AHNAK2: variants seen among roughly 807,000 people sequenced by gnomAD.
The protein encoded by AHNAK2 is protein AHNAK2.
Under a neutral mutation model 30.7 loss-of-function variants are expected in AHNAK2, and 18 were observed. The ratio of observed to expected loss-of-function variants is 0.59; its 90% confidence interval spans 0.41 to 0.87. The LOEUF is 0.87. Among genes scored for constraint, AHNAK2 ranks in the 40% least tolerant of loss-of-function variants. The pLI is 0.00. For synonymous variants in AHNAK2, 3,590 were observed against 3,073.8 expected (o/e 1.17, Z -5.56); for missense variants, 8,604 against 7,373.0 (o/e 1.17, Z -6.11).
rs369899617 is a variant in AHNAK2, at chr14:104,946,989, G to C, written c.8462C>G (p.Pro2821Arg). Residue 2821 changes from proline (P) to arginine (R), a missense_variant, in exon 7 of 7, where the codon CCG becomes CGG. Coordinates refer to ENST00000333244, the MANE Select transcript of AHNAK2 (RefSeq NM_138420.4). ...GCCTGGGGCCGACACCCCGAATGAC[G>C]GCATCTTGAACTTGGGCATTTTGAA... ...SKFKMPKFKM[P>R]SFGVSAPGKS... 5 of 1,612,242 alleles carry C rather than the reference G, an allele frequency of 3.1e-6. No individual in the cohort carries two copies. The highest frequency in any genetic ancestry group is 1.6e-4 in the Middle Eastern group (1 of 6,072).
chr14:104,941,976 T>A lies in AHNAK2; in HGVS notation c.13475A>T (p.Lys4492Met). ...IEVSVDVSAP[K>M]MEADMSIPSM... ...GGGAATGCTCATGTCGGCCTCCATC[T>A]TTGGCGCAGACACATCCACCGAGAC... Residue 4492 changes from lysine to methionine, a missense_variant, in exon 7 of 7, where the codon AAG becomes ATG. By Grantham distance (95) the Lys-to-Met change is moderately conservative (BLOSUM62 -1). Coordinates refer to ENST00000333244, the MANE Select transcript of AHNAK2 (RefSeq NM_138420.4). The A allele has an allele frequency of 1.2e-6, 2 of 1,613,602 alleles. No homozygotes were observed. The highest frequency in any genetic ancestry group is 1.7e-6 in the Non-Finnish European group (2 of 1,179,690).
rs545369399 is a variant in AHNAK2 at position 104,948,177 on chromosome 14, C to T, written c.7274G>A (p.Gly2425Asp). ...DLKGPQIDVK[G>D]PKLDLKGPKT... Reference sequence around the variant, plus strand: ...GGGGCCTTTCAGGTCCAGCTTGGGGCCCTTGACATCTATCTGGGGGCCCTT... The same window carrying T: ...GGGGCCTTTCAGGTCCAGCTTGGGGTCCTTGACATCTATCTGGGGGCCCTT... Residue 2425 changes from glycine to aspartate, a missense_variant, in exon 7 of 7, where the codon GGC (glycine) becomes GAC (aspartate). Coordinates refer to ENST00000333244, the MANE Select transcript of AHNAK2 (RefSeq NM_138420.4). The T allele has an allele frequency of 6.8e-6, 11 of 1,612,792 alleles. No homozygotes were observed. Among genetic ancestry groups the T allele is most frequent in the African/African-American group, 2.7e-5 (2 of 74,576 alleles).
In AHNAK2 at chr14:104,954,470, T is replaced by A. The variant is rs1898908272; in HGVS notation, c.981A>T (p.Arg327Ser). Reference protein sequence around the residue: ...SQRRRKFLNLRFRTGSGQGPS... With the variant: ...SQRRRKFLNLSFRTGSGQGPS... ...GGCCCTGTCCCGAGCCTGTCCTGAA[T>A]CTGAGGTTGAGGAACTTCCGCCTCC... The change falls in exon 7 of 7, where the codon AGA becomes AGT. Residue 327 changes from arginine (R) to serine (S), a missense_variant. Transcript: ENST00000333244. This position sits in a 1 kb window ranked among gnomAD's most constrained non-coding sequence, Gnocchi z 4.3. 1 of 1,612,764 alleles carries A rather than the reference T, an allele frequency of 6.2e-7. No homozygotes were observed. The highest frequency in any genetic ancestry group is 1.3e-5 in the African/African-American group (1 of 74,900).
intron 1 of AHNAK2, among the ~76,000 whole-genome samples, chr14:104,961,396 C>T (rs1899137429): frequency 6.6e-6 from 1 of 151,828 alleles, no homozygotes. Flanking sequence ...CGCCTGTAGT[C>T]CCAGCTACTC....
rs79003030 is a variant in AHNAK2 at position 104,949,085 on chromosome 14, G to A, written c.6366C>T (p.Asp2122=). Residue 2122 remains aspartate, a synonymous_variant, in exon 7 of 7, where the codon GAC becomes GAT. Transcript: ENST00000333244. ...VEVSLPSMEV[D]VQAPRAKLDS... ...CCAGCTTGGCTCTTGGGGCCTGGAC[G>A]TCCACCTCCATGCTGGGCAGAGACA... is the stretch of plus-strand genomic sequence containing the variant. The A allele has an allele frequency of 0.1, 107,109 of 1,064,756 alleles. 35,410 individuals are homozygous for A. The highest frequency in any genetic ancestry group is 0.38 in the African/African-American group (26,751 of 69,568). 66.0% of individuals were successfully genotyped at this position (1,064,756 alleles called of 1,614,324 possible). A position where few individuals can be genotyped will look rare whatever the true frequency, so the allele number is the denominator to read the frequency against.
At position 104,943,279 on chromosome 14, in the gene AHNAK2, T is replaced by C. The variant is rs1267233708; in HGVS notation, c.12172A>G (p.Ser4058Gly). The change falls in exon 7 of 7, where the codon AGT becomes GGT. Residue 4058 changes from serine (S) to glycine (G), a missense_variant. Ser to Gly is a moderately conservative substitution (Grantham distance 56). Transcript: ENST00000333244. Reference sequence around the variant, plus strand: ...AGGTCCACTTTGGGCATCTTGAAACTGGGCATCTGCACCTTGGGCAGGTGC... The same window carrying C: ...AGGTCCACTTTGGGCATCTTGAAACCGGGCATCTGCACCTTGGGCAGGTGC... ...KGHLPKVQMP[S>G]FKMPKVDLKG... 6.2e-7 allele frequency: 1 copy of C among 1,611,662 alleles called. No homozygotes were observed. Among genetic ancestry groups the C allele is most frequent in the Non-Finnish European group, 8.5e-7 (1 of 1,179,130 alleles).
In AHNAK2 at chr14:104,947,016, T is replaced by A. The variant is rs149610538; in HGVS notation, c.8435A>T (p.Lys2812Met). Residue 2812 changes from lysine to methionine, a missense_variant, in exon 7 of 7, where the codon AAG (lysine) becomes ATG (methionine). Physicochemically the swap from Lys to Met is moderately conservative, Grantham distance 95 (BLOSUM62 -1). Coordinates refer to ENST00000333244, the MANE Select transcript of AHNAK2 (RefSeq NM_138420.4). ...CATCTTGAACTTGGGCATTTTGAAC[T>A]TGCTGTCTTTGGCTGTCATGCCCTT... ...ADKGMTAKDS[K>M]FKMPKFKMPS... is the part of the protein sequence containing the mutation. 2,188 of 1,612,186 alleles carry A rather than the reference T, an allele frequency of 1.4e-3. 43 individuals are homozygous for A. The African/African-American group carries it at 0.019, about 14-fold the overall frequency.
chr14:104,963,239 G>C (rs376810799), intron 1 of AHNAK2, among the ~76,000 whole-genome samples: 2 of 152,286 alleles, frequency 1.3e-5, no homozygotes, highest in East Asian at 1.9e-4. Flanking sequence ...TCAGTCATCA[G>C]GAAAATGCAA....
At chr14:104,964,320 G>A (rs1595430492) in intron 1 of AHNAK2, among the ~76,000 whole-genome samples, 2 of 152,174 alleles carry the variant, frequency 1.3e-5, no homozygotes, top group Non-Finnish European at 2.9e-5. Flanking sequence ...GGCTGAAATG[G>A]AAAAGTCGAG....
In AHNAK2 at chr14:104,941,793, C is replaced by T; in HGVS notation, c.13658G>A (p.Ser4553Asn). ...GAGGTCCACTTTGGGCATCTTGAAA[C>T]TGGGCATCTCCACCTTGGGCAGGTG... ...KGHLPKVEMP[S>N]FKMPKVDLKG... Residue 4553 changes from serine (S) to asparagine (N), a missense_variant, in exon 7 of 7, where the codon AGT (serine) becomes AAT (asparagine). Ser to Asn is a conservative substitution (Grantham distance 46). Coordinates refer to ENST00000333244, the MANE Select transcript of AHNAK2 (RefSeq NM_138420.4). The T allele has an allele frequency of 6.2e-7, 1 of 1,613,514 alleles. No homozygotes were observed. Among genetic ancestry groups the T allele is most frequent in the Non-Finnish European group, 8.5e-7 (1 of 1,179,736 alleles).
Position 104,947,037 on chromosome 14 carries a change from C to T in AHNAK2, c.8414G>A (p.Gly2805Asp), listed in dbSNP as rs550107027. 1.3e-5 allele frequency: 21 copies of T among 1,611,048 alleles called. No individual in the cohort carries two copies. The African/African-American group carries it at 1.5e-4, about 11-fold the overall frequency. Residue 2805 changes from glycine to aspartate, a missense_variant, in exon 7 of 7, where the codon GGC becomes GAC. Transcript: ENST00000333244. The stretch of plus-strand genomic sequence containing the variant: ...GAACTTGCTGTCTTTGGCTGTCATG[C>T]CCTTGTCGGCCAGGGACAGGTCCCC... ...LEGDLSLADK[G>D]MTAKDSKFKM... is the part of the protein sequence containing the mutation.
At position 104,944,922 on chromosome 14, in the gene AHNAK2, G is replaced by A. The variant is rs765410455; in HGVS notation, c.10529C>T (p.Ser3510Phe). 10 of 1,613,086 alleles carry A rather than the reference G, an allele frequency of 6.2e-6. No homozygotes were observed. The highest frequency in any genetic ancestry group is 5.4e-5 in the African/African-American group (4 of 74,734). The change falls in exon 7 of 7, where the codon TCC (serine) becomes TTC (phenylalanine). Residue 3510 changes from serine (S) to phenylalanine (F), a missense_variant. Transcript: ENST00000333244. ...APKVEADVSL[S>F]SMQGDLKATD... is the part of the protein sequence containing the mutation. ...GGCCTTGAGGTCCCCCTGCATGGAG[G>A]AGAGGCTCACGTCGGCCTCCACCTT...
Position 104,942,208 on chromosome 14 carries a change from C to T in AHNAK2, c.13243G>A (p.Val4415Met). Residue 4415 changes from valine (V) to methionine (M), a missense_variant, in exon 7 of 7, where the codon GTG (valine) becomes ATG (methionine). Transcript: ENST00000333244. ...TCCAGGTTGGGGGACGTCACCTCCA[C>T]CTTGGGGCCTTTCAGGTCCAGCTTG... ...VPKLDLKGPK[V>M]EVTSPNLDVS... 1 of 1,613,042 alleles carries T rather than the reference C, an allele frequency of 6.2e-7. No individual in the cohort carries two copies. The highest frequency in any genetic ancestry group is 1.3e-5 in the African/African-American group (1 of 74,744).
chr14:104,954,706 C>T lies in AHNAK2; in HGVS notation c.745G>A (p.Gly249Arg), dbSNP rs373015857. 26 of 1,612,776 alleles carry T rather than the reference C, an allele frequency of 1.6e-5. No individual in the cohort carries two copies. The highest frequency in any genetic ancestry group is 2.0e-5 in the Non-Finnish European group (24 of 1,179,570). The change falls in exon 7 of 7, where the codon GGG becomes AGG. Residue 249 changes from glycine to arginine, a missense_variant. Transcript: ENST00000333244. The surrounding 1 kb of genome is among the most constrained non-coding windows in gnomAD (Gnocchi z 4.3). ...QERLISKPRV[G>R]RGRQSQRERL... ...TCCCTCTGGCTCTGCCTGCCTCTCC[C>T]CACCCTTGGTTTGGAGATGAGTCTC...
rs764165528 is a variant in AHNAK2, at chr14:104,939,380, C to G, written c.16071G>C (p.Leu5357Phe). ...WSSQPEGPLK[L>F]KASSTDMPSQ... ...ATGGCATATCAGTACTTGAAGCTTT[C>G]AATTTAAGTGGACCTTCAGGCTGGG... The change falls in exon 7 of 7, where the codon TTG becomes TTC. Residue 5357 changes from leucine (L) to phenylalanine (F), a missense_variant. Physicochemically the swap from Leu to Phe is conservative, Grantham distance 22. Transcript: ENST00000333244. 4 of 1,613,680 alleles carry G rather than the reference C, an allele frequency of 2.5e-6. No individual in the cohort carries two copies. In the South Asian group the frequency reaches 4.4e-5, roughly 18 times the overall value.
intron 1 of AHNAK2, among the ~76,000 whole-genome samples, chr14:104,960,751 T>C (rs879280680): frequency 6.6e-6 from 1 of 152,228 alleles, no homozygotes; most frequent in Non-Finnish European, 1.5e-5. Context: ...AGTAAAATGA[T>C]TGAATTGTAC....
Position 104,940,848 on chromosome 14 carries a change from G to T in AHNAK2, c.14603C>A (p.Pro4868Gln), listed in dbSNP as rs757242550. 2.5e-6 allele frequency: 4 copies of T among 1,613,026 alleles called. No individual in the cohort carries two copies. The highest frequency in any genetic ancestry group is 3.4e-6 in the Non-Finnish European group (4 of 1,179,834). Residue 4868 changes from proline to glutamine, a missense_variant, in exon 7 of 7, where the codon CCA becomes CAA. Pro to Gln is a moderately conservative substitution (Grantham distance 76). Coordinates refer to ENST00000333244, the MANE Select transcript of AHNAK2 (RefSeq NM_138420.4). This position sits in a 1 kb window ranked among gnomAD's most constrained non-coding sequence, Gnocchi z 4.4. ...TTGGGGGACTGAAAACACAAACTTT[G>T]GTTTATAGAATTTAGGAAAAGATAC... ...GQVSFPKFYK[P>Q]KFVFSVPQMA...
rs1467916890 is a variant in AHNAK2, at chr14:104,942,910, G to A, written c.12541C>T (p.Leu4181Phe). The change falls in exon 7 of 7, where the codon CTC becomes TTC. Residue 4181 changes from leucine to phenylalanine, a missense_variant. Leu to Phe is a conservative substitution (Grantham distance 22). Transcript: ENST00000333244. ...TCGGCGGAAGGGGACTGAATGCTGA[G>A]GTCAGTGGTCTTGAGGTCCCCCTGC... ...SMQGDLKTTD[L>F]SIQSPSADLE... 2 of 1,613,064 alleles carry A rather than the reference G, an allele frequency of 1.2e-6. No individual in the cohort carries two copies. The highest frequency in any genetic ancestry group is 1.7e-6 in the Non-Finnish European group (2 of 1,179,616).
In AHNAK2 at chr14:104,956,612, T is replaced by C. The variant is rs764295721; in HGVS notation, c.291A>G (p.Thr97=). ...WWKRDSGDSR[T]FFRMSRPEAV... ...CCTCTGGACGACTCATCCTGAAAAA[T>C]GTCCGTGAGTCCCCTGAATCTCGCT... The change falls in exon 4 of 7, where the codon ACA becomes ACG. Residue 97 remains threonine, a synonymous_variant. Transcript: ENST00000333244. 3.1e-6 allele frequency: 5 copies of C among 1,613,816 alleles called. No individual in the cohort carries two copies. The highest frequency in any genetic ancestry group is 1.6e-4 in the Middle Eastern group (1 of 6,062).
Sources: gnomAD v4.1 joint callset for allele counts (sites outside exome capture counted in the v4.1 genomes callset) on GRCh38, gnomAD v4.1.1 for gene constraint, Gnocchi (gnomAD v3.1) non-coding constraint, MANE v1.5 for transcripts, NCBI Gene and HGNC (gene_info 2026-07-23, HGNC 2026-07-21) for gene names.